The following WWOX variants were observed in gnomAD, a reference collection of about 807,000 sequenced individuals.
The protein encoded by WWOX is WW domain containing oxidoreductase, also known as WW domain-containing oxidoreductase.
A neutral mutation model predicts 46.2 loss-of-function variants in WWOX; 69 were observed. The ratio of observed to expected loss-of-function variants is 1.49; its 90% CI spans 1.23 to 1.82. WWOX has a LOEUF of 1.82. Ranked by LOEUF, WWOX falls within the 40% of genes most tolerant of loss-of-function variation. WWOX has a pLI of 0.00. For synonymous variants in WWOX, 359 were observed against 202.6 expected, an observed-to-expected ratio of 1.77 and a Z score of -6.56; for missense variants, 919 against 542.6, an observed-to-expected ratio of 1.69 and a Z score of -6.89.
At chr16:78,633,131 G>C (rs111527981) in intron 8 of WWOX, among the ~76,000 whole-genome samples, 1 of 152,146 alleles carries the variant, frequency 6.6e-6, no homozygotes, top group East Asian at 2.0e-4. Flanking sequence ...GTGTGGTGGC[G>C]TGTGCCTGTA....
At chr16:78,619,733 C>T (rs1252062854) in intron 8 of WWOX, among the ~76,000 whole-genome samples, 3 of 151,670 alleles carry the variant, frequency 2.0e-5, no homozygotes, top group South Asian at 2.1e-4. Flanking sequence ...CATGAGACCC[C>T]ATCTGTATCC....
intron 5 of WWOX, among the ~76,000 whole-genome samples, chr16:78,322,617 T>C (rs773393756): frequency 4.6e-5 from 7 of 152,242 alleles, no homozygotes; most frequent in Admixed American, 2.6e-4. Flanking sequence ...GAATTAAATC[T>C]TCTGAAGCAA....
At chr16:78,459,332 C>G (rs972055186) in intron 8 of WWOX, among the ~76,000 whole-genome samples, 11 of 152,176 alleles carry the variant, frequency 7.2e-5, no homozygotes, top group African/African-American at 2.4e-4. Flanking sequence ...CATGGTATCC[C>G]CAGCATTTTT....
At chr16:78,595,247 G>T (rs886253179) in intron 8 of WWOX, among the ~76,000 whole-genome samples, 9 of 152,122 alleles carry the variant, frequency 5.9e-5, no homozygotes, top group Non-Finnish European at 1.3e-4. Context: ...AGCAGTCGTG[G>T]GACTAGGGAA....
At position 78,846,312 on chromosome 16, in the gene WWOX, A is replaced by G. The variant is rs377596846; in HGVS notation, c.1057-365296A>G. On this transcript the variant is annotated intron_variant, in intron 8 of 8. Transcript: ENST00000566780. The stretch of plus-strand genomic sequence containing the variant: ...ACTACACTCAGACTATAACTGACCA[A>G]CAGACTTTATTTGGATTTGACGGTG... 2.0e-4 allele frequency among the ~76,000 whole-genome samples: 30 copies of G among 152,298 alleles called. 1 individual carries two copies. Among genetic ancestry groups the G allele is most frequent in the African/African-American group, 7.0e-4 (29 of 41,578 alleles).
rs528856122 is a variant in WWOX, at chr16:78,737,431, C to T, written c.1056+304679C>T. ...GGATTACAGGTGTGAGCCACAATGC[C>T]CAGCCTTATATATGTATTTATTAAG... On this transcript the variant is annotated intron_variant, in intron 8 of 8. Coordinates refer to ENST00000566780, the MANE Select transcript of WWOX (RefSeq NM_016373.4). Among the ~76,000 whole-genome samples, 334 of 152,154 alleles carry T rather than the reference C, an allele frequency of 2.2e-3. 1 individual carries two copies. Among genetic ancestry groups the T allele is most frequent in the African/African-American group, 7.6e-3 (315 of 41,510 alleles).
intron 8 of WWOX, among the ~76,000 whole-genome samples, chr16:78,596,814 C>CCT (rs2045502448): frequency 2.8e-5 from 2 of 71,588 alleles, no homozygotes; most frequent in South Asian, 3.3e-4. Flanking sequence ...TTTCAGCTGC[C>CCT]CTCATCTTTC....
chr16:79,204,756 C>G (rs772137366), intron 8 of WWOX: 1 of 152,142 alleles, frequency 6.6e-6, no homozygotes, highest in East Asian at 1.9e-4. Context: ...CTTTGGACGC[C>G]TTTGGGTGGT....
rs16948135 is a variant in WWOX, at chr16:78,587,013, A to G, written c.1056+154261A>G. Among the ~76,000 whole-genome samples the G allele has an allele frequency of 9.9e-3, 1,500 of 152,144 alleles. 21 individuals carry two copies. The highest frequency in any genetic ancestry group is 0.034 in the African/African-American group (1,419 of 41,494). On this transcript the variant is annotated intron_variant, in intron 8 of 8. Transcript: ENST00000566780. ...AATTCATGAGGCAATCTATTTGATAATGGCATGATTTAGTTAGTGTTCCTT... is the reference window on the plus strand; with the variant it reads ...AATTCATGAGGCAATCTATTTGATAGTGGCATGATTTAGTTAGTGTTCCTT...
At chr16:79,102,221 TATAAAC>T (rs2049214954) in intron 8 of WWOX, among the ~76,000 whole-genome samples, 1 of 152,142 alleles carries the variant, frequency 6.6e-6, no homozygotes, top group African/African-American at 2.4e-5. Context: ...ATAACTTGCC[TATAAAC>T]ATAAAATTAA....
intron 8 of WWOX, among the ~76,000 whole-genome samples, chr16:78,742,750 C>G (rs928237663): frequency 6.6e-6 from 1 of 152,122 alleles, no homozygotes; most frequent in Admixed American, 6.5e-5. Context: ...TTTGGTTTAT[C>G]GTGTGAGTTT....
At chr16:78,201,196 G>T (rs368107422) in intron 5 of WWOX, among the ~76,000 whole-genome samples, 1 of 152,180 alleles carries the variant, frequency 6.6e-6, no homozygotes, top group Non-Finnish European at 1.5e-5. Flanking sequence ...TTCTGTGATC[G>T]TTGAAGTAGG....
chr16:78,531,438 A>T (rs1228406332), intron 8 of WWOX, among the ~76,000 whole-genome samples: 1 of 152,148 alleles, frequency 6.6e-6, no homozygotes, highest in African/African-American at 2.4e-5. Flanking sequence ...TGTGACTATT[A>T]TTGTTGCTCT....
intron 8 of WWOX, among the ~76,000 whole-genome samples, chr16:78,500,825 G>T (rs1337762438): frequency 6.6e-6 from 1 of 152,192 alleles, no homozygotes; most frequent in East Asian, 1.9e-4. Context: ...GACCCAGAGA[G>T]CATGTACAAC....
At chr16:79,112,968 G>C (rs1288309073) in intron 8 of WWOX, among the ~76,000 whole-genome samples, 2 of 152,164 alleles carry the variant, frequency 1.3e-5, no homozygotes, top group African/African-American at 4.8e-5. Context: ...CTGTGCTTTG[G>C]TTCATTTTCT....
chr16:78,540,308 A>T (rs1233632471), intron 8 of WWOX, among the ~76,000 whole-genome samples: 2 of 151,628 alleles, frequency 1.3e-5, no homozygotes, highest in Non-Finnish European at 2.9e-5. Flanking sequence ...GTTATCATGT[A>T]TCTCTTTAAA....
At chr16:78,452,873 A>G (rs891295289) in intron 8 of WWOX, among the ~76,000 whole-genome samples, 4 of 149,366 alleles carry the variant, frequency 2.7e-5, no homozygotes, top group East Asian at 4.0e-4. Flanking sequence ...CTATTTATAT[A>G]TATATATACA....
At chr16:78,435,673 C>G (rs2083319660) in intron 8 of WWOX, among the ~76,000 whole-genome samples, 1 of 152,094 alleles carries the variant, frequency 6.6e-6, no homozygotes, top group Non-Finnish European at 1.5e-5. Flanking sequence ...ACATGACTTC[C>G]TGGTGGTGGC....
chr16:78,864,593 G>A (rs1289683194), intron 8 of WWOX, among the ~76,000 whole-genome samples: 1 of 151,800 alleles, frequency 6.6e-6, no homozygotes, highest in East Asian at 1.9e-4. Flanking sequence ...TTGAAACAGG[G>A]CTGCACATAA....
Sources: gnomAD v4.1 joint callset for allele counts (sites outside exome capture counted in the v4.1 genomes callset) on GRCh38, gnomAD v4.1.1 for gene constraint, MANE v1.5 for transcripts, NCBI Gene and HGNC (gene_info 2026-07-23, HGNC 2026-07-21) for gene names.